The following SCLT1 variants were observed in gnomAD, a reference collection of about 807,000 sequenced individuals.
SCLT1 encodes sodium channel-associated protein 1.
In SCLT1, 78 loss-of-function variants were observed where a neutral mutation model predicts 112.8. The observed-to-expected ratio is 0.69, with a 90% confidence interval of 0.58 to 0.83. The LOEUF (loss-of-function observed/expected upper bound fraction) is 0.83. SCLT1 is among the 40% of genes least tolerant of loss of function. The probability of loss-of-function intolerance (pLI) is 0.00; values close to 1 mark genes in which losing one functional copy is unlikely to be tolerated. For synonymous variants in SCLT1, 257 were observed against 254.7 expected (o/e 1.01, Z -0.09); for missense variants, 747 against 770.4 (o/e 0.97, Z 0.36).
At chr4:128,922,901 C>T (rs548767861) in intron 18 of SCLT1, among the ~76,000 whole-genome samples, 68 of 152,042 alleles carry the variant, frequency 4.5e-4, no homozygotes, top group African/African-American at 1.5e-3. Context: ...TGTGTGACTG[C>T]AGCACAATGA....
chr4:129,006,680 T>C (rs1282912636), intron 5 of SCLT1, among the ~76,000 whole-genome samples: 26 of 152,108 alleles, frequency 1.7e-4, no homozygotes, highest in Admixed American at 1.7e-3. Context: ...TACCTATACA[T>C]AGTTTAATTT....
At chr4:128,901,804 A>C (rs961254239) in intron 18 of SCLT1, among the ~76,000 whole-genome samples, 12 of 152,194 alleles carry the variant, frequency 7.9e-5, no homozygotes, top group Non-Finnish European at 1.5e-4. Flanking sequence ...TTTATGTATA[A>C]GAGATTTATC....
chr4:128,947,133 C>T (rs1738237291), intron 15 of SCLT1, among the ~76,000 whole-genome samples: 1 of 152,218 alleles, frequency 6.6e-6, no homozygotes, highest in African/African-American at 2.4e-5. Context: ...GCAGACCCAG[C>T]AGTACTTTGA....
intron 5 of SCLT1, among the ~76,000 whole-genome samples, chr4:129,022,237 G>A (rs553525832): frequency 2.7e-4 from 41 of 152,258 alleles, no homozygotes; most frequent in African/African-American, 9.4e-4. Context: ...TGCCTCTTCT[G>A]CTCCAAATGA....
chr4:128,963,370 G>A (rs149051107), intron 11 of SCLT1, among the ~76,000 whole-genome samples: 1 of 152,026 alleles, frequency 6.6e-6, no homozygotes, highest in East Asian at 1.9e-4. Context: ...TGTCATCTAC[G>A]GAGATAATCA....
intron 2 of SCLT1, among the ~76,000 whole-genome samples, chr4:129,063,630 T>C (rs1368760474): frequency 6.6e-6 from 1 of 152,160 alleles, no homozygotes; most frequent in Non-Finnish European, 1.5e-5. Context: ...CCAGCTGGTG[T>C]GGTGGTACAC....
At position 128,941,668 on chromosome 4, in the gene SCLT1, G is replaced by T. The variant is rs1737704046; in HGVS notation, c.1632+1328C>A. On this transcript the variant is annotated intron_variant, in intron 17 of 20. Coordinates refer to ENST00000281142, the MANE Select transcript of SCLT1 (RefSeq NM_144643.4). Reference sequence around the variant, plus strand: ...GGTGACTAAAAATATCTTAATTTTAGTGAAATCCAGTTCAGCTTGGATTTT... The same window carrying T: ...GGTGACTAAAAATATCTTAATTTTATTGAAATCCAGTTCAGCTTGGATTTT... Among the ~76,000 whole-genome samples, 3 of 151,798 alleles carry T rather than the reference G, an allele frequency of 2.0e-5. No homozygotes were observed. The South Asian group carries it at 6.2e-4, about 31-fold the overall frequency.
chr4:129,027,675 AG>A (rs1746248809), intron 5 of SCLT1, among the ~76,000 whole-genome samples: 1 of 152,154 alleles, frequency 6.6e-6, no homozygotes, highest in Non-Finnish European at 1.5e-5. Context: ...AGTTCTGGCC[AG>A]GGCAATTAGG....
chr4:129,039,378 A>C (rs1205405025), intron 4 of SCLT1: 1 of 281,524 alleles, frequency 3.6e-6, no homozygotes, highest in Non-Finnish European at 6.6e-6. Flanking sequence ...GTTGTGAAAA[A>C]CAGATGAAAG....
downstream of SCLT1, among the ~76,000 whole-genome samples, chr4:128,882,034 G>C (rs75111318): frequency 3.9e-5 from 6 of 152,216 alleles, no homozygotes; most frequent in East Asian, 1.2e-3. Context: ...TCTATGTTCA[G>C]AGATTTTACC....
chr4:128,972,460 C>T (rs1045360876), intron 9 of SCLT1: 2 of 150,364 alleles, frequency 1.3e-5, no homozygotes, highest in Non-Finnish European at 3.0e-5. Context: ...GTTGGAGACA[C>T]AGGAAGCAAG....
At position 128,923,648 on chromosome 4, in the gene SCLT1, TC is replaced by T. The variant is rs537384585; in HGVS notation, c.1829+13006del. The stretch of plus-strand genomic sequence containing the variant: ...ATAGTCTTCTATATCTGTTTTTTTT[TC>T]AATCTCCTTTTTGAGATTCATCCAT... On this transcript the variant is annotated intron_variant, in intron 18 of 20. Coordinates refer to ENST00000281142, the MANE Select transcript of SCLT1 (RefSeq NM_144643.4). Among the ~76,000 whole-genome samples, 61 of 151,776 alleles carry T rather than the reference TC, an allele frequency of 4.0e-4. 1 individual carries two copies. The highest frequency in any genetic ancestry group is 1.3e-3 in the African/African-American group (55 of 41,326).
At chr4:129,092,584 G>GT (rs1752945368) in intron 1 of SCLT1, among the ~76,000 whole-genome samples, 1 of 152,222 alleles carries the variant, frequency 6.6e-6, no homozygotes, top group South Asian at 2.1e-4. Context: ...AGAGCCAGCA[G>GT]TTGCTGTCAC....
In SCLT1 at chr4:128,999,805, A is replaced by G. The variant is rs757819019; in HGVS notation, c.427-11T>C. The G allele has an allele frequency of 2.5e-6, 4 of 1,588,052 alleles. No individual in the cohort carries two copies. The highest frequency in any genetic ancestry group is 3.4e-6 in the Non-Finnish European group (4 of 1,167,564). On this transcript the variant is annotated splice_polypyrimidine_tract_variant and intron_variant, in intron 6 of 20. Coordinates refer to ENST00000281142, the MANE Select transcript of SCLT1 (RefSeq NM_144643.4). ...AGCCTGAGTTTTTTCCTATTAAAAA[A>G]GTTTGATAACTCATTAAATTATCAG... is the stretch of plus-strand genomic sequence containing the variant.
chr4:128,947,401 T>C (rs66921209), intron 15 of SCLT1, among the ~76,000 whole-genome samples: 38,445 of 152,058 alleles, frequency 0.25, 6,049 homozygotes, highest in African/African-American at 0.44. Flanking sequence ...TGAACACATG[T>C]ATTTTTTTTT....
intron 5 of SCLT1, chr4:129,037,563 A>G (rs1747295137): frequency 6.6e-6 from 1 of 152,090 alleles, no homozygotes; most frequent in African/African-American, 2.4e-5. Flanking sequence ...AGTAATAGGG[A>G]TGGTGGTAGC....
At chr4:129,030,527 GT>G in intron 5 of SCLT1, among the ~76,000 whole-genome samples, 1 of 151,980 alleles carries the variant, frequency 6.6e-6, no homozygotes, top group Non-Finnish European at 1.5e-5. Flanking sequence ...CCAGGAGCTG[GT>G]TTTTTCAAAA....
chr4:128,874,213 A>G (rs1478931190), intron 5 of SCLT1: 1 of 152,634 alleles, frequency 6.6e-6, no homozygotes, highest in African/African-American at 2.4e-5. Flanking sequence ...ATACAGGAGA[A>G]GGTTGGACTT....
chr4:128,992,635 G>A (rs1353551939), intron 8 of SCLT1, among the ~76,000 whole-genome samples: 2 of 151,996 alleles, frequency 1.3e-5, no homozygotes, highest in Admixed American at 1.3e-4. Flanking sequence ...TCTGAGGCTT[G>A]TGTTCTACAC....
Sources: allele counts gnomAD v4.1 joint callset (sites outside exome capture counted in the v4.1 genomes callset), GRCh38; gene constraint gnomAD v4.1.1; transcripts MANE v1.5; gene names NCBI Gene and HGNC (gene_info 2026-07-23, HGNC 2026-07-21).